Variants in ADAMTS1 observed in about 807,000 individuals in gnomAD.
The protein encoded by ADAMTS1 is A disintegrin and metalloproteinase with thrombospondin motifs 1.
A neutral mutation model predicts 87.9 loss-of-function variants in ADAMTS1; 19 were observed. The ratio of observed to expected loss-of-function variants is 0.22; its 90% CI spans 0.15 to 0.32. The LOEUF is 0.32. Among genes scored for constraint, ADAMTS1 ranks in the 10% least tolerant of loss-of-function variants. ADAMTS1 has a pLI of 1.00. For missense variants in ADAMTS1, 1,240 were observed against 1,259.1 expected (o/e 0.98, Z 0.23); for synonymous variants, 542 against 501.8 (o/e 1.08, Z -1.07).
chr21:26,845,043 C>T lies in ADAMTS1; in HGVS notation c.-89G>A, dbSNP rs1985594339. The T allele has an allele frequency of 1.4e-6, 2 of 1,381,196 alleles. No homozygotes were observed. The highest frequency in any genetic ancestry group is 2.7e-5 in the Admixed American group (1 of 37,628). The allele number at this position is 1,381,196 out of a possible 1,614,324, so 85.6% of individuals were successfully genotyped here. On this transcript the variant is annotated 5_prime_UTR_variant, in exon 1 of 9. Transcript: ENST00000284984. ...GAGAGCAAAGCCTCGTTGGCCTGCT[C>T]TGGATTGTTAAAATTAACAATTTCT...
At chr21:26,843,185 C>T (rs926184400) in intron 1 of ADAMTS1, among the ~76,000 whole-genome samples, 3 of 152,192 alleles carry the variant, frequency 2.0e-5, no homozygotes, top group Non-Finnish European at 4.4e-5. Context: ...TTCCAGGGGT[C>T]CCTGGGGTGC....
At chr21:26,838,751 T>A in intron 7 of ADAMTS1, 137 bp from the exon 8 acceptor site, 1 of 793,332 alleles carries the variant, frequency 1.3e-6, no homozygotes, top group Non-Finnish European at 1.9e-6. Context: ...ATGCATTTCA[T>A]GCATTTACCC....
Position 26,839,596 on chromosome 21 carries a change from C to T in ADAMTS1, c.2019G>A (p.Leu673=). 6.3e-7 allele frequency: 1 copy of T among 1,598,662 alleles called. No individual in the cohort carries two copies. The highest frequency in any genetic ancestry group is 2.2e-5 in the East Asian group (1 of 44,460). Residue 673 remains leucine, a synonymous_variant, in exon 7 of 9, where the codon TTG becomes TTA. Transcript: ENST00000284984. ...GGTAAAAACGAACTACCTTGGGCTG[C>T]AAAACGAAGAAGTAGCCAATGCCTT... is the stretch of plus-strand genomic sequence containing the variant. The part of the protein sequence containing the change: ...QAKGIGYFFV[L]QPKVVDGTPC...
At chr21:26,843,069 T>C in intron 1 of ADAMTS1, 1 of 271,902 alleles carries the variant, frequency 3.7e-6, no homozygotes, top group Non-Finnish European at 7.1e-6. Flanking sequence ...GCTCAAATCC[T>C]GAATGAGATC....
Position 26,840,337 on chromosome 21 carries a change from C to A in ADAMTS1, c.1604G>T (p.Gly535Val), listed in dbSNP as rs778956984. The A allele has an allele frequency of 3.7e-6, 6 of 1,614,202 alleles. No individual in the cohort carries two copies. Among genetic ancestry groups the A allele is most frequent in the Non-Finnish European group, 5.1e-6 (6 of 1,180,038 alleles). Residue 535 changes from glycine to valine, a missense_variant, in exon 5 of 9, where the codon GGA (glycine) becomes GTA (valine). By Grantham distance (109) the Gly-to-Val change is moderately radical. This residue lies in a region of ADAMTS1 where 317 missense variants were observed against 410.3 expected (regional missense o/e 0.77). Coordinates refer to ENST00000284984, the MANE Select transcript of ADAMTS1 (RefSeq NM_006988.5). The part of the protein sequence containing the change: ...HFPWADGTSC[G>V]EGKWCINGKC... ...GCCGTTGATACACCATTTCCCTTCT[C>A]CACAGCTGGTGCCATCCGCCCACGG...
In ADAMTS1 at chr21:26,836,886, A is replaced by G. The variant is rs1171990109; in HGVS notation, c.*693T>C. Reference sequence around the variant, plus strand: ...TGCTTTTTTTCCATTGTAGACTTTAATGCACTTGAATAAATACATGGAGTT... The same window carrying G: ...TGCTTTTTTTCCATTGTAGACTTTAGTGCACTTGAATAAATACATGGAGTT... On this transcript the variant is annotated 3_prime_UTR_variant, in exon 9 of 9. Coordinates refer to ENST00000284984, the MANE Select transcript of ADAMTS1 (RefSeq NM_006988.5). 6.6e-6 allele frequency: 1 copy of G among 152,208 alleles called. No individual in the cohort carries two copies. The highest frequency in any genetic ancestry group is 1.5e-5 in the Non-Finnish European group (1 of 68,046). The allele number at this position is 152,208 out of a possible 1,614,324, so 9.4% of individuals were successfully genotyped here. A position where few individuals can be genotyped will look rare whatever the true frequency, so the allele number is the denominator to read the frequency against.
At position 26,845,084 on chromosome 21, in the gene ADAMTS1, G is replaced by A. The variant is rs1218138450; in HGVS notation, c.-130C>T. Reference sequence around the variant, plus strand: ...AACAATTTCTATTATTCGTTGGAAGGGCGCGCAGAGCCGGCTACAGCCGAA... The same window carrying A: ...AACAATTTCTATTATTCGTTGGAAGAGCGCGCAGAGCCGGCTACAGCCGAA... On this transcript the variant is annotated 5_prime_UTR_variant, in exon 1 of 9. Transcript: ENST00000284984. 8.1e-7 allele frequency: 1 copy of A among 1,229,028 alleles called. No homozygotes were observed. Among genetic ancestry groups the A allele is most frequent in the Non-Finnish European group, 1.0e-6 (1 of 963,432 alleles). The allele number at this position is 1,229,028 out of a possible 1,614,324, so 76.1% of individuals were successfully genotyped here.
intron 1 of ADAMTS1, 108 bp downstream of exon 1, chr21:26,844,117 G>T: frequency 7.3e-7 from 1 of 1,379,112 alleles, no homozygotes; most frequent in Non-Finnish European, 9.7e-7. Context: ...TTCTGTCCGC[G>T]GACTTATGAT....
rs1985472853 is a variant in ADAMTS1, at chr21:26,840,551, T to C, written c.1390A>G (p.Met464Val). 1.2e-6 allele frequency: 2 copies of C among 1,613,538 alleles called. No individual in the cohort carries two copies. The highest frequency in any genetic ancestry group is 1.1e-5 in the South Asian group (1 of 91,056). Reference protein sequence around the residue: ...FLDNGHGECLMDKPQNPIQLP... With the variant: ...FLDNGHGECLVDKPQNPIQLP... ...TGTATGGGATTCTGAGGCTTGTCCA[T>C]CAAACATTCCCCTGCAAAGGAAATG... Residue 464 changes from methionine to valine, a missense_variant, in exon 5 of 9, where the codon ATG becomes GTG. Coordinates refer to ENST00000284984, the MANE Select transcript of ADAMTS1 (RefSeq NM_006988.5).
At chr21:26,843,621 C>T (rs1334374553) in intron 1 of ADAMTS1, 2 of 461,584 alleles carry the variant, frequency 4.3e-6, no homozygotes, top group Admixed American at 4.8e-5. Context: ...CCGGGAAAGA[C>T]CTCCCAAGCA....
At position 26,835,876 on chromosome 21, in the gene ADAMTS1, C is replaced by G. The variant is rs1985354110; in HGVS notation, c.*1703G>C. 1 of 152,172 alleles carries G rather than the reference C, an allele frequency of 6.6e-6. No individual in the cohort carries two copies. The highest frequency in any genetic ancestry group is 1.5e-5 in the Non-Finnish European group (1 of 68,032). 9.4% of individuals were successfully genotyped at this position (152,172 alleles called of 1,614,324 possible). ...TTTTTAGAACACAGCCATGTCCATTCACTTACTCATTCTTTATGGCTAGTT... is the reference window on the plus strand; with the variant it reads ...TTTTTAGAACACAGCCATGTCCATTGACTTACTCATTCTTTATGGCTAGTT... On this transcript the variant is annotated 3_prime_UTR_variant, in exon 9 of 9. Coordinates refer to ENST00000284984, the MANE Select transcript of ADAMTS1 (RefSeq NM_006988.5).
intron 3 of ADAMTS1, 59 bp from the exon 4 acceptor site, chr21:26,841,224 A>C: frequency 5.0e-5 from 79 of 1,575,942 alleles, no homozygotes; most frequent in Non-Finnish European, 6.4e-5. Flanking sequence ...GCGGTGGCTC[A>C]CACCTGTAAT....
At chr21:26,841,735 T>A in intron 3 of ADAMTS1, 123 bp downstream of exon 3, 1 of 1,121,636 alleles carries the variant, frequency 8.9e-7, no homozygotes, top group Non-Finnish European at 1.2e-6. Flanking sequence ...AAATATTTTC[T>A]ATAGTTTCTA....
Position 26,844,752 on chromosome 21 carries a change from G to A in ADAMTS1, c.203C>T (p.Ala68Val). The A allele has an allele frequency of 6.4e-7, 1 of 1,558,240 alleles. No individual in the cohort carries two copies. Among genetic ancestry groups the A allele is most frequent in the East Asian group, 2.3e-5 (1 of 42,654 alleles). ...EELVVPELER[A>V]PGHGTTRLRL... is the part of the protein sequence containing the mutation. ...GAGGCGCGTGGTCCCGTGTCCCGGG[G>A]CGCGCTCCAGCTCCGGCACCACTAG... The change falls in exon 1 of 9, where the codon GCC becomes GTC. Residue 68 changes from alanine to valine, a missense_variant. Ala to Val is a moderately conservative substitution (Grantham distance 64). This residue lies in a region of ADAMTS1 where 521 missense variants were observed against 449.7 expected (regional missense o/e 1.16). Coordinates refer to ENST00000284984, the MANE Select transcript of ADAMTS1 (RefSeq NM_006988.5).
intron 5 of ADAMTS1, 79 bp downstream of exon 5, chr21:26,840,197 G>T (rs1985463051): frequency 1.9e-6 from 3 of 1,564,088 alleles, no homozygotes; most frequent in Non-Finnish European, 2.6e-6. Context: ...CACGGATGGG[G>T]ATGTTTAACT....
intron 8 of ADAMTS1, 30 bp from the exon 9 acceptor site, chr21:26,838,308 C>CA (rs1555839156): frequency 1.9e-6 from 3 of 1,580,704 alleles, no homozygotes; most frequent in Non-Finnish European, 1.7e-6. Context: ...GCATAAATCT[C>CA]TGATTCATTG....
intron 1 of ADAMTS1, 146 bp downstream of exon 1, chr21:26,844,079 A>G (rs1459729108): frequency 1.9e-6 from 2 of 1,052,478 alleles, no homozygotes; most frequent in African/African-American, 3.2e-5. Flanking sequence ...CCAAACCTCA[A>G]ACCACATTCC....
chr21:26,838,566 G>C lies in ADAMTS1; in HGVS notation c.2077C>G (p.Gln693Glu). 1.1e-5 allele frequency: 18 copies of C among 1,614,068 alleles called. No individual in the cohort carries two copies. The highest frequency in any genetic ancestry group is 1.4e-5 in the Non-Finnish European group (17 of 1,180,020). The change falls in exon 8 of 9, where the codon CAA becomes GAA. Residue 693 changes from glutamine to glutamate, a missense_variant. This residue lies in a region of ADAMTS1 where 402 missense variants were observed against 399.1 expected (regional missense o/e 1.01). Coordinates refer to ENST00000284984, the MANE Select transcript of ADAMTS1 (RefSeq NM_006988.5). Reference protein sequence around the residue: ...CSPDSTSVCVQGQCVKAGCDR... With the variant: ...CSPDSTSVCVEGQCVKAGCDR... ...CAACCAGCTTTTACACACTGTCCTT[G>C]CACACAGACAGAGGTGGAATCTGGG...
rs1327268146 is a variant in ADAMTS1, at chr21:26,842,674, T to A, written c.742A>T (p.Ile248Leu). 6.2e-7 allele frequency: 1 copy of A among 1,612,478 alleles called. No individual in the cohort carries two copies. The highest frequency in any genetic ancestry group is 1.3e-5 in the African/African-American group (1 of 74,806). Residue 248 changes from isoleucine (I) to leucine (L), a missense_variant, in exon 2 of 9, where the codon ATA (isoleucine) becomes TTA (leucine). By Grantham distance (5) the Ile-to-Leu change is conservative. This residue lies in a region of ADAMTS1 where 521 missense variants were observed against 449.7 expected (regional missense o/e 1.16). Coordinates refer to ENST00000284984, the MANE Select transcript of ADAMTS1 (RefSeq NM_006988.5). ...GVGQPTGTGS[I>L]RKKRFVSSHR... ...CTGGACACAAATCGCTTCTTTCTTA[T>A]GCTTCCAGTTCCTGTAAAGAAAAAA...
Sources: allele counts gnomAD v4.1 joint callset (sites outside exome capture counted in the v4.1 genomes callset), GRCh38; gene constraint gnomAD v4.1.1; regional missense constraint gnomAD v4.1.1; transcripts MANE v1.5; gene names NCBI Gene and HGNC (gene_info 2026-07-23, HGNC 2026-07-21).